The following PALM2AKAP2 variants were observed in gnomAD, a reference collection of about 807,000 sequenced individuals.
PALM2AKAP2 encodes the protein PALM2-AKAP2 fusion protein.
PALM2AKAP2 carries 37 observed loss-of-function variants against 71.5 expected under a neutral mutation model. The observed-to-expected ratio is 0.52, with a 90% CI of 0.40 to 0.68. The LOEUF is 0.68. Ranked by LOEUF, PALM2AKAP2 falls within the 30% of genes least tolerant of loss-of-function variation. The probability of loss-of-function intolerance (pLI) is 0.00; values close to 1 mark genes in which losing one functional copy is unlikely to be tolerated. For synonymous variants in PALM2AKAP2, 468 were observed against 478.8 expected, an observed-to-expected ratio of 0.98 and a Z score of 0.29; for missense variants, 1,224 against 1,191.8, an observed-to-expected ratio of 1.03 and a Z score of -0.40.
At chr9:109,888,694 G>A (rs1026550293) in intron 3 of PALM2AKAP2, among the ~76,000 whole-genome samples, 1 of 109,502 alleles carries the variant, frequency 9.1e-6, no homozygotes, top group African/African-American at 3.7e-5. Context: ...TGGGCATCAA[G>A]AGCAAAATTT....
chr9:110,067,460 G>C (rs1834105917), intron 1 of PALM2AKAP2, among the ~76,000 whole-genome samples: 1 of 152,160 alleles, frequency 6.6e-6, no homozygotes, highest in Non-Finnish European at 1.5e-5. Flanking sequence ...TCCCACGCAG[G>C]AGTTCATTGA....
chr9:109,822,832 T>C (rs1828046023), intron 1 of PALM2AKAP2, among the ~76,000 whole-genome samples: 1 of 152,218 alleles, frequency 6.6e-6, no homozygotes, highest in Non-Finnish European at 1.5e-5. Context: ...TGAACATATG[T>C]GTGCATGTGT....
chr9:109,854,722 C>T (rs78554324), intron 1 of PALM2AKAP2, among the ~76,000 whole-genome samples: 2 of 144,320 alleles, frequency 1.4e-5, no homozygotes, highest in Non-Finnish European at 3.0e-5. Flanking sequence ...TGATATAATA[C>T]TGAACATGCT....
intron 2 of PALM2AKAP2, among the ~76,000 whole-genome samples, chr9:110,145,667 CT>C (rs1836145890): frequency 6.6e-6 from 1 of 151,882 alleles, no homozygotes; most frequent in African/African-American, 2.4e-5. Flanking sequence ...CCTGTGTTCT[CT>C]TTATCTAAAT....
At position 109,698,272 on chromosome 9, in the gene PALM2AKAP2, A is replaced by ATTTT. The variant is rs774359983; in HGVS notation, c.5+57425_5+57428dup. Among the ~76,000 whole-genome samples the ATTTT allele has an allele frequency of 7.6e-3, 903 of 118,522 alleles. 32 individuals carry two copies. The highest frequency in any genetic ancestry group is 0.029 in the African/African-American group (840 of 28,936). 77.8% of individuals were successfully genotyped at this position (118,522 alleles called of 152,430 possible). A position where few individuals can be genotyped will look rare whatever the true frequency, so the allele number is the denominator to read the frequency against. On this transcript the variant is annotated intron_variant, in intron 1 of 6. Coordinates refer to the PALM2AKAP2 transcript ENST00000374531. ...TACCCTTCACCTGCATGTGTGCTAC[A>ATTTT]TTTTTTTTTTTTTTTTTTTTTTGAG...
intron 2 of PALM2AKAP2, among the ~76,000 whole-genome samples, chr9:110,154,911 C>A (rs895018023): frequency 1.3e-5 from 2 of 152,160 alleles, no homozygotes; most frequent in Admixed American, 6.5e-5. Context: ...TCCAAAATTC[C>A]CATTTAACCG....
At chr9:110,000,906 G>T (rs1305174744) in intron 6 of PALM2AKAP2, among the ~76,000 whole-genome samples, 1 of 152,122 alleles carries the variant, frequency 6.6e-6, no homozygotes, top group Admixed American at 6.5e-5. Context: ...GTAGATTCTG[G>T]ATATTAGCCC....
intron 6 of PALM2AKAP2, among the ~76,000 whole-genome samples, chr9:109,936,027 G>A (rs1831210817): frequency 6.6e-6 from 1 of 152,114 alleles, no homozygotes; most frequent in African/African-American, 2.4e-5. Flanking sequence ...TACTACTGAG[G>A]TGTCTTGGAA....
chr9:109,944,755 A>G (rs1370153701), intron 6 of PALM2AKAP2: 1 of 152,160 alleles, frequency 6.6e-6, no homozygotes, highest in African/African-American at 2.4e-5. Context: ...ACAGTTTTTG[A>G]AATACCTTCT....
intron 1 of PALM2AKAP2, among the ~76,000 whole-genome samples, chr9:109,657,938 T>TTGTGTGTGTGTGTG (rs35984840): frequency 8.8e-4 from 126 of 142,542 alleles, no homozygotes; most frequent in Middle Eastern, 3.5e-3. Flanking sequence ...TTGTGTGTGT[T>TTGTGTGTGTGTGTG]TGTGTGTGTG....
rs1291666301 is a variant in PALM2AKAP2 at position 109,765,151 on chromosome 9, C to G, written c.6-15337C>G. 2.0e-5 allele frequency among the ~76,000 whole-genome samples: 3 copies of G among 152,172 alleles called. No homozygotes were observed. In the East Asian group the frequency reaches 5.8e-4, roughly 29 times the overall value. ...ACACTTTAGTATGAATTAGATTTAC[C>G]TGGTCCATAAGTTTAAAATGTGGAC... On this transcript the variant is annotated intron_variant, in intron 1 of 6. Coordinates refer to the PALM2AKAP2 transcript ENST00000374531.
At chr9:110,022,158 T>C (rs577428786) in intron 7 of PALM2AKAP2, among the ~76,000 whole-genome samples, 1 of 152,320 alleles carries the variant, frequency 6.6e-6, no homozygotes, top group East Asian at 1.9e-4. Context: ...AGCATTGTCT[T>C]TCACTGTGTC....
chr9:110,139,793 A>C (rs10980218), intron 2 of PALM2AKAP2, among the ~76,000 whole-genome samples: 70,087 of 152,056 alleles, frequency 0.46, 16,272 homozygotes, highest in Middle Eastern at 0.51. Context: ...GTAAATTGCC[A>C]ACATGATGCC....
At position 109,934,600 on chromosome 9, in the gene PALM2AKAP2, C is replaced by CCAAT. The variant is rs560955138; in HGVS notation, c.496+2573_496+2576dup. 8.2e-4 allele frequency among the ~76,000 whole-genome samples: 125 copies of CCAAT among 152,220 alleles called. 2 individuals are homozygous for CCAAT. The South Asian group carries it at 0.025, about 31-fold the overall frequency. ...CTTGATGTATCATGCTCAGAGCTACCCAATGCCTTCAGAGCTAGGCTGCTC... is the reference window on the plus strand; with the variant it reads ...CTTGATGTATCATGCTCAGAGCTACCCAATCAATGCCTTCAGAGCTAGGCTGCTC... On this transcript the variant is annotated intron_variant, in intron 6 of 9. Transcript: ENST00000302798.
chr9:110,007,180 G>A (rs779217693), intron 6 of PALM2AKAP2, among the ~76,000 whole-genome samples: 102 of 152,158 alleles, frequency 6.7e-4, no homozygotes, highest in Non-Finnish European at 1.2e-3. Context: ...AAAGCCAGGA[G>A]AATTGCAGAG....
chr9:109,701,333 A>C (rs1828052162), intron 1 of PALM2AKAP2, among the ~76,000 whole-genome samples: 1 of 152,206 alleles, frequency 6.6e-6, no homozygotes, highest in African/African-American at 2.4e-5. Flanking sequence ...ACACTACCTG[A>C]CTTCAAACTA....
intron 1 of PALM2AKAP2, among the ~76,000 whole-genome samples, chr9:110,135,132 A>T (rs1456458719): frequency 8.0e-6 from 1 of 125,320 alleles, no homozygotes; most frequent in African/African-American, 3.0e-5. Flanking sequence ...CCTGGGAGAC[A>T]TGGAGGAACT....
At chr9:110,011,504 G>A (rs1832884821) in intron 6 of PALM2AKAP2, among the ~76,000 whole-genome samples, 1 of 152,136 alleles carries the variant, frequency 6.6e-6, no homozygotes, top group African/African-American at 2.4e-5. Flanking sequence ...TAGAGCTGAG[G>A]GGATTACAAA....
intron 3 of PALM2AKAP2, among the ~76,000 whole-genome samples, chr9:109,894,497 A>C (rs1371109876): frequency 6.6e-6 from 1 of 152,212 alleles, no homozygotes; most frequent in Non-Finnish European, 1.5e-5. Flanking sequence ...GTTTATTACC[A>C]GTCTGTGACA....
Sources: allele counts gnomAD v4.1 joint callset (sites outside exome capture counted in the v4.1 genomes callset), GRCh38; gene constraint gnomAD v4.1.1; transcripts MANE v1.5; gene names NCBI Gene and HGNC (gene_info 2026-07-23, HGNC 2026-07-21).